The following GJC1 variants were observed in gnomAD, a reference collection of about 807,000 sequenced individuals.
GJC1 encodes gap junction gamma-1 protein.
GJC1 carries 5 observed loss-of-function variants against 29.3 expected under a neutral mutation model. That is an observed-to-expected ratio of 0.17 (90% CI 0.09 to 0.36). The LOEUF (loss-of-function observed/expected upper bound fraction) is 0.36. Ranked by LOEUF, GJC1 falls within the 10% of genes least tolerant of loss-of-function variation. The pLI, the probability that GJC1 is intolerant of heterozygous loss-of-function variation, is 1.00. For missense variants in GJC1, 310 were observed against 496.2 expected (o/e 0.62, Z 3.56); for synonymous variants, 177 against 183.3 (o/e 0.97, Z 0.28).
At chr17:44,822,500 G>C (rs9908455) in intron 1 of GJC1, among the ~76,000 whole-genome samples, 53,270 of 151,332 alleles carry the variant, frequency 0.35, 9,874 homozygotes, top group Admixed American at 0.46. Context: ...AAAATTAGCT[G>C]GGCGTGGTGG....
intron 1 of GJC1, among the ~76,000 whole-genome samples, chr17:44,816,112 CAAAAAAAA>C (rs34938283): frequency 4.2e-5 from 2 of 47,432 alleles, no homozygotes; most frequent in Admixed American, 3.2e-4. Flanking sequence ...CACTCCGTCT[CAAAAAAAA>C]AAAAAAAAAA....
chr17:44,827,632 CTT>C (rs1173562605), intron 1 of GJC1, among the ~76,000 whole-genome samples: 2 of 151,118 alleles, frequency 1.3e-5, no homozygotes, highest in African/African-American at 4.9e-5. Flanking sequence ...ATAGCAATGT[CTT>C]TGAAAAAAAA....
At chr17:44,819,204 C>T (rs2050076824) in intron 1 of GJC1, among the ~76,000 whole-genome samples, 1 of 152,134 alleles carries the variant, frequency 6.6e-6, no homozygotes, top group Non-Finnish European at 1.5e-5. Flanking sequence ...CCCCATTTCC[C>T]CTTCTCCCAG....
rs570649316 is a variant in GJC1 at position 44,803,290 on chromosome 17, C to T, written c.*1337G>A. On this transcript the variant is annotated 3_prime_UTR_variant, in exon 3 of 3. Transcript: ENST00000592524. The stretch of plus-strand genomic sequence containing the variant: ...AGCTCTTTCTCAGAAGCTCACAAAA[C>T]TTAAGACAATGTGAACATGATGAGA... 6.6e-6 allele frequency: 1 copy of T among 152,280 alleles called. No individual in the cohort carries two copies. Among genetic ancestry groups the T allele is most frequent in the East Asian group, 1.9e-4 (1 of 5,182 alleles). 9.4% of individuals were successfully genotyped at this position (152,280 alleles called of 1,614,324 possible).
At chr17:44,829,482 C>T (rs2050207087) in intron 1 of GJC1, 1 of 152,278 alleles carries the variant, frequency 6.6e-6, no homozygotes, top group Non-Finnish European at 1.5e-5. Context: ...CCTTCCGCCC[C>T]GCTTTCCCGC....
chr17:44,795,781 GT>G (rs1483702827), downstream of GJC1, among the ~76,000 whole-genome samples: 76 of 152,360 alleles, frequency 5.0e-4, no homozygotes, highest in African/African-American at 1.7e-3. Flanking sequence ...TAGTTTAGCC[GT>G]CTATAGGCGG....
rs1161013964 is a variant in GJC1, at chr17:44,803,679, G to A, written c.*948C>T. 1.3e-5 allele frequency: 2 copies of A among 152,280 alleles called. No homozygotes were observed. The highest frequency in any genetic ancestry group is 1.3e-4 in the Admixed American group (2 of 15,290). 9.4% of individuals were successfully genotyped at this position (152,280 alleles called of 1,614,324 possible). Reference sequence around the variant, plus strand: ...TCCACCACTGGCTTCTTAACCAGACGGAAGCGGGCAGGTTTCTGGATAGAG... The same window carrying A: ...TCCACCACTGGCTTCTTAACCAGACAGAAGCGGGCAGGTTTCTGGATAGAG... On this transcript the variant is annotated 3_prime_UTR_variant, in exon 3 of 3. Coordinates refer to ENST00000592524, the MANE Select transcript of GJC1 (RefSeq NM_005497.4).
chr17:44,812,509 C>T (rs762746515), intron 1 of GJC1, among the ~76,000 whole-genome samples: 4 of 152,072 alleles, frequency 2.6e-5, no homozygotes, highest in Non-Finnish European at 5.9e-5. Flanking sequence ...TGGGTTAAAA[C>T]AAACAAACAC....
In GJC1 at chr17:44,805,964, G is replaced by A. The variant is rs1187467596; in HGVS notation, c.-20-127C>T. 1 of 594,750 alleles carries A rather than the reference G, an allele frequency of 1.7e-6. No individual in the cohort carries two copies. Among genetic ancestry groups the A allele is most frequent in the Non-Finnish European group, 2.9e-6 (1 of 343,050 alleles). The allele number at this position is 594,750 out of a possible 1,614,324, so 36.8% of individuals were successfully genotyped here. On this transcript the variant is annotated intron_variant, in intron 2 of 2. Coordinates refer to ENST00000592524, the MANE Select transcript of GJC1 (RefSeq NM_005497.4). The surrounding 1 kb of genome is among the most constrained non-coding windows in gnomAD (Gnocchi z 5.1). ...AAATCTAACCTCAAGGTTCACAGTG[G>A]AACAAATGTTAGAATAAACAGCATC... is the stretch of plus-strand genomic sequence containing the variant.
intron 1 of GJC1, among the ~76,000 whole-genome samples, chr17:44,814,455 A>AT (rs376403334): frequency 2.2e-4 from 34 of 151,594 alleles, no homozygotes; most frequent in Non-Finnish European, 4.4e-5. Flanking sequence ...CATTTTATCT[A>AT]TTTTTTCTTG....
chr17:44,826,204 C>T (rs923583184), intron 1 of GJC1, among the ~76,000 whole-genome samples: 1 of 152,140 alleles, frequency 6.6e-6, no homozygotes, highest in African/African-American at 2.4e-5. Flanking sequence ...TTATAAGCAT[C>T]AGCCACCACT....
intron 1 of GJC1, among the ~76,000 whole-genome samples, chr17:44,821,232 A>G (rs142037717): frequency 2.0e-5 from 3 of 152,238 alleles, no homozygotes; most frequent in Non-Finnish European, 4.4e-5. Context: ...AACTGTCTTC[A>G]TGCAAACAGG....
At chr17:44,812,808 C>T (rs1336770074) in intron 1 of GJC1, among the ~76,000 whole-genome samples, 1 of 151,668 alleles carries the variant, frequency 6.6e-6, no homozygotes, top group African/African-American at 2.4e-5. Context: ...CCACCATGCC[C>T]GGCTAATTTT....
intron 2 of GJC1, among the ~76,000 whole-genome samples, chr17:44,806,734 A>G (rs1422063979): frequency 6.6e-6 from 1 of 151,980 alleles, no homozygotes; most frequent in African/African-American, 2.4e-5. Flanking sequence ...AGACCTTCAG[A>G]ATTTTGTGAG....
At chr17:44,814,177 G>A (rs967422620) in intron 1 of GJC1, among the ~76,000 whole-genome samples, 6 of 152,050 alleles carry the variant, frequency 3.9e-5, no homozygotes, top group African/African-American at 1.2e-4. Flanking sequence ...GTCTTGCTCC[G>A]TCGCCCAGGC....
chr17:44,813,297 A>G (rs1415991769), intron 1 of GJC1: 1 of 151,128 alleles, frequency 6.6e-6, no homozygotes, highest in African/African-American at 2.4e-5. Context: ...TGACCTCAGG[A>G]GATTCACCCT....
rs2049805876 is a variant in GJC1 at position 44,798,793 on chromosome 17, TGA to T, written c.*5832_*5833del. ...GTAAGAGATTTTTTTAAAACACAAT[TGA>T]GAGTATAATACAGAAAAACATTTAA... On this transcript the variant is annotated 3_prime_UTR_variant, in exon 3 of 3. Transcript: ENST00000592524. 5 of 152,294 alleles carry T rather than the reference TGA, an allele frequency of 3.3e-5. No homozygotes were observed. The South Asian group carries it at 1.0e-3, about 32-fold the overall frequency. The allele number at this position is 152,294 out of a possible 1,614,324, so 9.4% of individuals were successfully genotyped here.
intron 1 of GJC1, chr17:44,807,895 C>T (rs1259193858): frequency 6.6e-6 from 1 of 152,184 alleles, no homozygotes; most frequent in African/African-American, 2.4e-5. Context: ...GAGCAGCTAA[C>T]TAGGAGCAAG....
intron 1 of GJC1, among the ~76,000 whole-genome samples, chr17:44,818,917 A>G (rs1441168190): frequency 2.6e-5 from 4 of 152,082 alleles, no homozygotes; most frequent in African/African-American, 4.8e-5. Context: ...AGACCATCCT[A>G]GACAACATGG....
Sources: gnomAD v4.1 joint callset for allele counts (sites outside exome capture counted in the v4.1 genomes callset) on GRCh38, gnomAD v4.1.1 for gene constraint, Gnocchi (gnomAD v3.1) non-coding constraint, MANE v1.5 for transcripts, NCBI Gene and HGNC (gene_info 2026-07-23, HGNC 2026-07-21) for gene names.